Variants in CADPS observed in about 807,000 individuals in gnomAD.
CADPS encodes calcium dependent secretion activator, also known as calcium-dependent secretion activator 1.
In CADPS, 57 loss-of-function variants were observed where a neutral mutation model predicts 167.3. The ratio of observed to expected loss-of-function variants is 0.34; its 90% confidence interval spans 0.28 to 0.42. CADPS has a LOEUF of 0.42. CADPS is among the 20% of genes least tolerant of loss of function. CADPS has a pLI of 1.00. For synonymous variants in CADPS, 676 were observed against 635.3 expected (o/e 1.06, Z -0.96); for missense variants, 1,414 against 1,738.1 (o/e 0.81, Z 3.32).
intron 3 of CADPS, among the ~76,000 whole-genome samples, chr3:62,669,063 C>T (rs1460743676): frequency 6.6e-6 from 1 of 152,196 alleles, no homozygotes; most frequent in Non-Finnish European, 1.5e-5. Flanking sequence ...TAAAGCGTTC[C>T]TTATTCTGGG....
intron 4 of CADPS, among the ~76,000 whole-genome samples, chr3:62,654,512 A>G (rs1407390630): frequency 6.6e-6 from 1 of 152,194 alleles, no homozygotes; most frequent in Non-Finnish European, 1.5e-5. Context: ...GTAGGCAACC[A>G]TGAATCCAAG....
chr3:62,593,553 C>T (rs1246790678), intron 6 of CADPS, among the ~76,000 whole-genome samples: 2 of 152,168 alleles, frequency 1.3e-5, no homozygotes, highest in African/African-American at 2.4e-5. Flanking sequence ...GCACTGAGCC[C>T]CAGGTCCAGG....
intron 1 of CADPS, among the ~76,000 whole-genome samples, chr3:62,838,238 G>C (rs1056485799): frequency 6.6e-6 from 1 of 152,204 alleles, no homozygotes; most frequent in African/African-American, 2.4e-5. Context: ...ATGAGGCTTG[G>C]AGATAGGTCA....
chr3:62,787,115 G>A (rs1027034731), intron 1 of CADPS, among the ~76,000 whole-genome samples: 14 of 151,810 alleles, frequency 9.2e-5, no homozygotes, highest in African/African-American at 2.9e-4. Context: ...GCAATATGGC[G>A]AAAACCTGTC....
intron 13 of CADPS, among the ~76,000 whole-genome samples, chr3:62,526,225 T>C (rs2072174731): frequency 6.6e-6 from 1 of 152,152 alleles, no homozygotes; most frequent in Non-Finnish European, 1.5e-5. Flanking sequence ...TGGCTCCAAA[T>C]ACATCGCCCA....
At chr3:62,645,999 C>T (rs567036025) in intron 5 of CADPS, among the ~76,000 whole-genome samples, 156 bp from the exon 6 acceptor site, 53 of 152,198 alleles carry the variant, frequency 3.5e-4, no homozygotes, top group African/African-American at 9.9e-4. Context: ...CAGTCTAGCA[C>T]GAAGATGCAA....
chr3:62,574,885 G>A (rs946618489), intron 8 of CADPS, among the ~76,000 whole-genome samples: 5 of 152,152 alleles, frequency 3.3e-5, no homozygotes, highest in Non-Finnish European at 5.9e-5. Context: ...ATCTCTGTAC[G>A]GACAGAGAAA....
intron 28 of CADPS, among the ~76,000 whole-genome samples, chr3:62,405,488 C>A (rs1708156044): frequency 6.6e-6 from 1 of 151,844 alleles, no homozygotes; most frequent in Non-Finnish European, 1.5e-5. Flanking sequence ...CCCCCTGCCG[C>A]CCCTCCATTT....
In CADPS at chr3:62,550,021, G is replaced by A. The variant is rs1246787944; in HGVS notation, c.1848C>T (p.Val616=). Residue 616 remains valine, a synonymous_variant, in exon 11 of 30, where the codon GTC becomes GTT. Transcript: ENST00000383710. ...GCCCCGTGGCCCGATACATGGCCTG[G>A]ACCCACAGGATGCGGTCTTGTTCAT... ...SDDEQDRILW[V]QAMYRATGQS... The A allele has an allele frequency of 1.9e-6, 3 of 1,614,100 alleles. No individual in the cohort carries two copies. Among genetic ancestry groups the A allele is most frequent in the South Asian group, 1.1e-5 (1 of 91,074 alleles).
intron 8 of CADPS, among the ~76,000 whole-genome samples, chr3:62,583,778 C>CT (rs11391913): frequency 0.96 from 146,366 of 151,876 alleles, 70,716 homozygotes; most frequent in Non-Finnish European, 1. Flanking sequence ...GAACCTTGGG[C>CT]TTTTTTTGCT....
intron 26 of CADPS, among the ~76,000 whole-genome samples, chr3:62,454,227 G>A (rs1322475991): frequency 6.6e-6 from 1 of 152,220 alleles, no homozygotes; most frequent in Non-Finnish European, 1.5e-5. Context: ...TAGTGTCTAT[G>A]TGACCTTGGG....
At chr3:62,549,776 CTA>C in intron 11 of CADPS, 125 bp downstream of exon 11, 1 of 744,402 alleles carries the variant, frequency 1.3e-6, no homozygotes, top group Non-Finnish European at 2.2e-6. Flanking sequence ...CCTGAATTCA[CTA>C]TATGTTTTCA....
At chr3:62,584,760 T>C (rs540399030) in intron 8 of CADPS, among the ~76,000 whole-genome samples, 1 of 152,344 alleles carries the variant, frequency 6.6e-6, no homozygotes, top group Non-Finnish European at 1.5e-5. Context: ...ATATTAAATG[T>C]GAGTTGATTG....
At chr3:62,833,859 A>G (rs1290574958) in intron 1 of CADPS, among the ~76,000 whole-genome samples, 1 of 152,202 alleles carries the variant, frequency 6.6e-6, no homozygotes, top group Non-Finnish European at 1.5e-5. Context: ...GGTTACTAAA[A>G]AATACTAATT....
intron 3 of CADPS, among the ~76,000 whole-genome samples, chr3:62,684,656 A>G (rs2077680774): frequency 6.6e-6 from 1 of 152,022 alleles, no homozygotes; most frequent in African/African-American, 2.4e-5. Flanking sequence ...AATATCCTAA[A>G]TTTCAATCCA....
intron 6 of CADPS, among the ~76,000 whole-genome samples, chr3:62,639,221 G>A (rs1412094047): frequency 6.6e-6 from 1 of 152,162 alleles, no homozygotes; most frequent in Non-Finnish European, 1.5e-5. Context: ...TTCTGGGTCA[G>A]TGTTGACTTT....
At chr3:62,821,524 T>G (rs2094919014) in intron 1 of CADPS, among the ~76,000 whole-genome samples, 1 of 152,152 alleles carries the variant, frequency 6.6e-6, no homozygotes, top group Admixed American at 6.5e-5. Context: ...ACATCTCCAG[T>G]CTCTGCCTCC....
At chr3:62,851,313 CATT>C (rs1361126521) in intron 1 of CADPS, among the ~76,000 whole-genome samples, 1 of 118,752 alleles carries the variant, frequency 8.4e-6, no homozygotes, top group Non-Finnish European at 1.8e-5. Context: ...TTGATCCTGT[CATT>C]ATGATGTTAG....
chr3:62,495,575 G>C (rs1452076), intron 18 of CADPS, among the ~76,000 whole-genome samples: 1 of 152,080 alleles, frequency 6.6e-6, no homozygotes, highest in Non-Finnish European at 1.5e-5. Flanking sequence ...AGAGCTTTTC[G>C]TTATTCAAAG....
Sources: allele counts gnomAD v4.1 joint callset (sites outside exome capture counted in the v4.1 genomes callset), GRCh38; gene constraint gnomAD v4.1.1; transcripts MANE v1.5; gene names NCBI Gene and HGNC (gene_info 2026-07-23, HGNC 2026-07-21).